The following ZCCHC14 variants were observed in gnomAD, a reference collection of about 807,000 sequenced individuals.
The protein encoded by ZCCHC14 is zinc finger CCHC domain-containing protein 14.
In ZCCHC14, 16 loss-of-function variants were observed where a neutral mutation model predicts 85.0. The observed-to-expected ratio is 0.19, with a 90% confidence interval of 0.13 to 0.29. The LOEUF (loss-of-function observed/expected upper bound fraction) is 0.29. Ranked by LOEUF, ZCCHC14 falls within the 10% of genes least tolerant of loss-of-function variation. ZCCHC14 has a pLI of 1.00. For synonymous variants in ZCCHC14, 775 were observed against 630.7 expected (o/e 1.23, Z -3.43); for missense variants, 1,303 against 1,443.5 (o/e 0.90, Z 1.58).
Position 87,492,655 on chromosome 16 carries a change from G to C in ZCCHC14, c.-417C>G, listed in dbSNP as rs1028230326. 1 of 145,778 alleles carries C rather than the reference G, an allele frequency of 6.9e-6. No individual in the cohort carries two copies. The highest frequency in any genetic ancestry group is 6.8e-5 in the Admixed American group (1 of 14,676). The allele number at this position is 145,778 out of a possible 1,614,324, so 9.0% of individuals were successfully genotyped here. ...GGCCGCCCCCATCTCCCCCCGCGCC[G>C]CAGGGTCTGTCACTGCGGGCCGCCC... On this transcript the variant is annotated 5_prime_UTR_variant, in exon 1 of 13. Transcript: ENST00000671377. The surrounding 1 kb of genome is among the most constrained non-coding windows in gnomAD (Gnocchi z 6.7).
chr16:87,413,269 C>T (rs1409771771), intron 10 of ZCCHC14, 74 bp from the exon 11 acceptor site: 7 of 1,445,974 alleles, frequency 4.8e-6, no homozygotes, highest in African/African-American at 1.4e-5. Context: ...GCCCCTGCAT[C>T]GCACTGTCGG....
At position 87,446,211 on chromosome 16, in the gene ZCCHC14, C is replaced by T. The variant is rs1013785254; in HGVS notation, c.695-13010G>A. 4.0e-5 allele frequency among the ~76,000 whole-genome samples: 6 copies of T among 151,082 alleles called. No individual in the cohort carries two copies. The Middle Eastern group carries it at 0.014, about 352-fold the overall frequency. On this transcript the variant is annotated intron_variant, in intron 2 of 12. Transcript: ENST00000671377. The stretch of plus-strand genomic sequence containing the variant: ...ACTTAAAAAAAAAATTGGCAGGGTG[C>T]GGTGGCTCACGCCTGTAATCCCAGC...
intron 2 of ZCCHC14, among the ~76,000 whole-genome samples, chr16:87,440,625 T>C (rs1751605748): frequency 6.6e-6 from 1 of 151,660 alleles, no homozygotes; most frequent in Non-Finnish European, 1.5e-5. Flanking sequence ...CATTTTCTTT[T>C]TGACAGGGTC....
chr16:87,476,775 T>G, intron 1 of ZCCHC14, among the ~76,000 whole-genome samples: 2 of 148,578 alleles, frequency 1.3e-5, no homozygotes, highest in Admixed American at 6.7e-5. Context: ...GGGAGGGAAT[T>G]CTCTGGGCTG....
intron 3 of ZCCHC14, among the ~76,000 whole-genome samples, chr16:87,424,145 C>A (rs1909246707): frequency 6.6e-6 from 1 of 152,220 alleles, no homozygotes; most frequent in African/African-American, 2.4e-5. Context: ...ACAGCTGCCT[C>A]CTGTAAGTTC....
At chr16:87,467,386 G>A in intron 1 of ZCCHC14, 1 of 1,599,786 alleles carries the variant, frequency 6.3e-7, no homozygotes, top group Non-Finnish European at 8.6e-7. Context: ...GAGAAACTGG[G>A]CACAGTTTAC....
chr16:87,441,372 G>C (rs970406012), intron 2 of ZCCHC14, among the ~76,000 whole-genome samples: 12 of 152,016 alleles, frequency 7.9e-5, no homozygotes, highest in African/African-American at 2.9e-4. Flanking sequence ...CATCTTTCCC[G>C]GTTTTGTCTT....
intron 1 of ZCCHC14, among the ~76,000 whole-genome samples, chr16:87,487,905 T>A (rs1289068677): frequency 7.2e-6 from 1 of 139,116 alleles, no homozygotes; most frequent in Admixed American, 7.4e-5. Context: ...CGGTGTGTGG[T>A]CCCCTTATAT....
chr16:87,478,349 C>T (rs1912116407), intron 1 of ZCCHC14, among the ~76,000 whole-genome samples: 1 of 152,066 alleles, frequency 6.6e-6, no homozygotes, highest in Non-Finnish European at 1.5e-5. Flanking sequence ...TTAGAATAGG[C>T]GAAACTGATC....
chr16:87,452,581 A>C (rs1256778215), intron 2 of ZCCHC14, among the ~76,000 whole-genome samples: 1 of 152,198 alleles, frequency 6.6e-6, no homozygotes, highest in Non-Finnish European at 1.5e-5. Context: ...CAGAGAGGCA[A>C]GGGGAAAGCC....
rs184547424 is a variant in ZCCHC14, at chr16:87,414,658, G to A, written c.1476-117C>T. On this transcript the variant is annotated intron_variant, in intron 9 of 12. Transcript: ENST00000671377. ...GGCGGCTTTGATACAGGGCGACTTC[G>A]AGATGGGTCTACTCCACACCACAGG... 1,413 of 1,380,890 alleles carry A rather than the reference G, an allele frequency of 1.0e-3. 12 individuals are homozygous for A. In the African/African-American group the frequency reaches 0.016, roughly 16 times the overall value. 85.5% of individuals were successfully genotyped at this position (1,380,890 alleles called of 1,614,324 possible). A position where few individuals can be genotyped will look rare whatever the true frequency, so the allele number is the denominator to read the frequency against.
intron 1 of ZCCHC14, chr16:87,471,044 CAT>C (rs1378340940): frequency 1.3e-5 from 2 of 152,042 alleles, no homozygotes; most frequent in Non-Finnish European, 2.9e-5. Flanking sequence ...TCCTTCCACA[CAT>C]ATCTCGAGGG....
intron 8 of ZCCHC14, among the ~76,000 whole-genome samples, chr16:87,416,084 C>A (rs982788206): frequency 6.6e-5 from 10 of 152,096 alleles, no homozygotes; most frequent in Non-Finnish European, 1.2e-4. Flanking sequence ...CACCACCATG[C>A]CCAGCTAATT....
intron 1 of ZCCHC14, among the ~76,000 whole-genome samples, chr16:87,486,473 G>A (rs763121213): frequency 6.6e-6 from 1 of 152,334 alleles, no homozygotes; most frequent in Non-Finnish European, 1.5e-5. Flanking sequence ...GGTGTAGCGG[G>A]TTCTGCCACC....
chr16:87,458,243 C>T (rs1010422775), intron 2 of ZCCHC14, among the ~76,000 whole-genome samples: 1 of 152,178 alleles, frequency 6.6e-6, no homozygotes, highest in Non-Finnish European at 1.5e-5. Context: ...CGGCACTCCA[C>T]GGCAGGCCTT....
intron 3 of ZCCHC14, among the ~76,000 whole-genome samples, chr16:87,428,971 G>A (rs1410152877): frequency 2.0e-5 from 3 of 152,208 alleles, no homozygotes; most frequent in Non-Finnish European, 4.4e-5. Flanking sequence ...GGGTGTCTTC[G>A]TTGTTGACAG....
At chr16:87,443,185 T>C (rs2150745606) in intron 2 of ZCCHC14, among the ~76,000 whole-genome samples, 1 of 152,318 alleles carries the variant, frequency 6.6e-6, no homozygotes, top group East Asian at 1.9e-4. Flanking sequence ...CGGATAGAAT[T>C]CCTAAGACAA....
At chr16:87,461,314 G>C (rs1463279165) in intron 1 of ZCCHC14, among the ~76,000 whole-genome samples, 1 of 152,222 alleles carries the variant, frequency 6.6e-6, no homozygotes, top group African/African-American at 2.4e-5. Context: ...CTCCCCATCA[G>C]TATTTTAAAA....
At chr16:87,464,741 G>A (rs141977399) in intron 1 of ZCCHC14, among the ~76,000 whole-genome samples, 73 of 152,296 alleles carry the variant, frequency 4.8e-4, no homozygotes, top group African/African-American at 1.7e-3. Flanking sequence ...TCGTAACTTT[G>A]TTCCTTTGTT....
Sources: gnomAD v4.1 joint callset for allele counts (sites outside exome capture counted in the v4.1 genomes callset) on GRCh38, gnomAD v4.1.1 for gene constraint, Gnocchi (gnomAD v3.1) non-coding constraint, MANE v1.5 for transcripts, NCBI Gene and HGNC (gene_info 2026-07-23, HGNC 2026-07-21) for gene names.